ANTXR1: variants seen among roughly 807,000 people sequenced by gnomAD.
The protein encoded by ANTXR1 is ANTXR cell adhesion molecule 1.
In ANTXR1, 19 loss-of-function variants were observed where a neutral mutation model predicts 78.1. That is an observed-to-expected ratio of 0.24 (90% CI 0.17 to 0.36). The LOEUF (loss-of-function observed/expected upper bound fraction) is 0.36, where lower values mean the gene tolerates loss of function less well. ANTXR1 is among the 10% of genes least tolerant of loss of function. The pLI is 1.00. For missense variants in ANTXR1, 518 were observed against 718.6 expected, an observed-to-expected ratio of 0.72 and a Z score of 3.19; for synonymous variants, 273 against 260.5, an observed-to-expected ratio of 1.05 and a Z score of -0.46.
intron 13 of ANTXR1, among the ~76,000 whole-genome samples, chr2:69,166,967 T>TC (rs1455646728): frequency 6.6e-6 from 1 of 152,250 alleles, no homozygotes; most frequent in Non-Finnish European, 1.5e-5. Flanking sequence ...TCTGTGAGAT[T>TC]CCCAGGGGAG....
chr2:69,088,015 C>G (rs1204224316), intron 8 of ANTXR1, among the ~76,000 whole-genome samples: 1 of 152,214 alleles, frequency 6.6e-6, no homozygotes, highest in Non-Finnish European at 1.5e-5. Context: ...GTATTGCATC[C>G]TTCCAGATGT....
chr2:69,113,646 C>G (rs1672057345), intron 10 of ANTXR1, among the ~76,000 whole-genome samples: 1 of 152,184 alleles, frequency 6.6e-6, no homozygotes, highest in Admixed American at 6.5e-5. Context: ...TTTGCCATAA[C>G]CCGTGGCCAT....
At chr2:69,177,212 C>T (rs1002129995) in intron 14 of ANTXR1, among the ~76,000 whole-genome samples, 1 of 152,162 alleles carries the variant, frequency 6.6e-6, no homozygotes, top group Admixed American at 6.5e-5. Context: ...GAATAGGTTA[C>T]GCTTAAACAA....
chr2:69,037,330 A>C (rs1217332513), intron 1 of ANTXR1, among the ~76,000 whole-genome samples: 3 of 152,136 alleles, frequency 2.0e-5, no homozygotes, highest in Non-Finnish European at 4.4e-5. Context: ...TTTAAGACCG[A>C]TTGCCACCCA....
chr2:69,104,106 T>C lies in ANTXR1; in HGVS notation c.802+1166T>C, dbSNP rs758714410. On this transcript the variant is annotated intron_variant, in intron 10 of 17. Transcript: ENST00000303714. ...GGTGTGCATCACTACACCCAGCTAA[T>C]TTTTTGTATTTTTAGTAGAGATGGG... 1.6e-4 allele frequency among the ~76,000 whole-genome samples: 25 copies of C among 152,020 alleles called. 1 individual carries two copies. The highest frequency in any genetic ancestry group is 3.1e-4 in the Non-Finnish European group (21 of 67,998).
At chr2:69,179,822 A>C (rs1674229426) in intron 14 of ANTXR1, among the ~76,000 whole-genome samples, 1 of 152,252 alleles carries the variant, frequency 6.6e-6, no homozygotes, top group Non-Finnish European at 1.5e-5. Flanking sequence ...TAATACATTT[A>C]AAGTGCTCAA....
intron 13 of ANTXR1, among the ~76,000 whole-genome samples, chr2:69,156,847 T>C (rs761071838): frequency 6.6e-6 from 1 of 152,180 alleles, no homozygotes; most frequent in Non-Finnish European, 1.5e-5. Flanking sequence ...AATCAGCCAA[T>C]CACCTCCCAC....
intron 8 of ANTXR1, among the ~76,000 whole-genome samples, chr2:69,082,215 G>A (rs1220506160): frequency 1.3e-5 from 2 of 152,166 alleles, no homozygotes; most frequent in Non-Finnish European, 2.9e-5. Context: ...ACCACCTCCA[G>A]AAATCATTAC....
intron 12 of ANTXR1, among the ~76,000 whole-genome samples, chr2:69,150,939 C>T (rs1306209029): frequency 6.6e-6 from 1 of 151,984 alleles, no homozygotes; most frequent in Non-Finnish European, 1.5e-5. Flanking sequence ...TGGGTGGATG[C>T]CTTGAGCCCA....
intron 16 of ANTXR1, chr2:69,182,939 C>T (rs551397799): frequency 2.2e-6 from 1 of 447,692 alleles, no homozygotes; most frequent in South Asian, 2.6e-5. Context: ...AGCATGACCC[C>T]TGGGCAAGGA....
At chr2:69,233,093 A>G (rs561585077) in intron 17 of ANTXR1, among the ~76,000 whole-genome samples, 167 of 152,288 alleles carry the variant, frequency 1.1e-3, no homozygotes, top group Non-Finnish European at 1.4e-3. Context: ...GAATAAATCA[A>G]TATCTGTGGC....
intron 17 of ANTXR1, among the ~76,000 whole-genome samples, chr2:69,199,656 TC>T (rs1337573138): frequency 6.6e-6 from 1 of 151,832 alleles, no homozygotes; most frequent in Non-Finnish European, 1.5e-5. Flanking sequence ...GCTTTCAAGG[TC>T]CCCCCCTAAA....
intron 17 of ANTXR1, among the ~76,000 whole-genome samples, chr2:69,220,903 A>G (rs1675301829): frequency 6.6e-6 from 1 of 152,234 alleles, no homozygotes; most frequent in Non-Finnish European, 1.5e-5. Flanking sequence ...TACCTCAAAT[A>G]GAAAGGGTGA....
At chr2:69,028,307 T>C (rs542548299) in intron 1 of ANTXR1, among the ~76,000 whole-genome samples, 2 of 152,182 alleles carry the variant, frequency 1.3e-5, no homozygotes, top group Non-Finnish European at 2.9e-5. Flanking sequence ...CTGGTGACAA[T>C]CTTTAAAAGA....
intron 17 of ANTXR1, among the ~76,000 whole-genome samples, chr2:69,205,591 CT>C (rs768055915): frequency 4.3e-3 from 457 of 107,220 alleles, no homozygotes; most frequent in South Asian, 7.3e-3. Context: ...TGAACCATGG[CT>C]TTTTTTTTTT....
chr2:69,178,507 G>A (rs922433829), intron 14 of ANTXR1, among the ~76,000 whole-genome samples: 1 of 152,182 alleles, frequency 6.6e-6, no homozygotes, highest in Non-Finnish European at 1.5e-5. Flanking sequence ...CCTTCCCCAG[G>A]CCAGGGACAA....
chr2:69,059,481 C>CTT (rs35182884), intron 3 of ANTXR1, among the ~76,000 whole-genome samples: 1 of 145,942 alleles, frequency 6.9e-6, no homozygotes. Flanking sequence ...GAAGTGTGTA[C>CTT]TTTTTTTTTT....
At chr2:69,143,380 A>G (rs1479043021) in intron 12 of ANTXR1, among the ~76,000 whole-genome samples, 1 of 152,194 alleles carries the variant, frequency 6.6e-6, no homozygotes, top group Non-Finnish European at 1.5e-5. Context: ...CAAGTTTTCA[A>G]CTTGGGCTGA....
At position 69,119,004 on chromosome 2, in the gene ANTXR1, G is replaced by A. The variant is rs189472281; in HGVS notation, c.803-4013G>A. On this transcript the variant is annotated intron_variant, in intron 10 of 17. Transcript: ENST00000303714. ...GAGGAAGGTCTTCCACAGCCTCAGC[G>A]AAGCCTTTGCAGGCCTCCCAGTGAG... 1.8e-3 allele frequency among the ~76,000 whole-genome samples: 275 copies of A among 152,148 alleles called. 2 individuals are homozygous for A. The highest frequency in any genetic ancestry group is 0.015 in the Admixed American group (235 of 15,286).
Sources: allele counts gnomAD v4.1 joint callset (sites outside exome capture counted in the v4.1 genomes callset), GRCh38; gene constraint gnomAD v4.1.1; transcripts MANE v1.5; gene names NCBI Gene and HGNC (gene_info 2026-07-23, HGNC 2026-07-21).